PLXNA2: variants seen among roughly 807,000 people sequenced by gnomAD.
PLXNA2 encodes plexin A2, also known as plexin-A2.
Under a neutral mutation model 193.5 loss-of-function variants are expected in PLXNA2, and 91 were observed. The observed-to-expected ratio is 0.47, with a 90% CI of 0.40 to 0.56. The LOEUF is 0.56. PLXNA2 is among the 20% of genes least tolerant of loss of function. PLXNA2 has a pLI of 0.00. For synonymous variants in PLXNA2, 997 were observed against 1,027.3 expected (o/e 0.97, Z 0.56); for missense variants, 1,995 against 2,503.2 (o/e 0.80, Z 4.33).
At chr1:208,078,771 A>G (rs1168042638) in intron 12 of PLXNA2, among the ~76,000 whole-genome samples, 1 of 152,200 alleles carries the variant, frequency 6.6e-6, no homozygotes, top group Non-Finnish European at 1.5e-5. Flanking sequence ...GCATGAAAAA[A>G]TTGGGACGGG....
Position 208,025,584 on chromosome 1 carries a change from T to C in PLXNA2, c.*1659A>G, listed in dbSNP as rs1224519822. On this transcript the variant is annotated 3_prime_UTR_variant, in exon 32 of 32. Coordinates refer to ENST00000367033, the MANE Select transcript of PLXNA2 (RefSeq NM_025179.4). ...GACTCCAGTGCTGCTTGCAGAACAG[T>C]TGGAGCTGGCTGCTCGGATCCAAGG... is the stretch of plus-strand genomic sequence containing the variant. The C allele has an allele frequency of 6.6e-6, 1 of 152,330 alleles. No individual in the cohort carries two copies. The highest frequency in any genetic ancestry group is 6.5e-5 in the Admixed American group (1 of 15,280). 9.4% of individuals were successfully genotyped at this position (152,330 alleles called of 1,614,324 possible). A position where few individuals can be genotyped will look rare whatever the true frequency, so the allele number is the denominator to read the frequency against.
chr1:208,214,239 G>A (rs1055528207), intron 2 of PLXNA2, among the ~76,000 whole-genome samples: 5 of 152,154 alleles, frequency 3.3e-5, no homozygotes, highest in African/African-American at 9.6e-5. Flanking sequence ...TAATCATAGC[G>A]GCCCATTTAT....
intron 17 of PLXNA2, among the ~76,000 whole-genome samples, chr1:208,049,261 A>G (rs1024448604): frequency 2.0e-5 from 3 of 151,622 alleles, no homozygotes; most frequent in South Asian, 4.2e-4. Flanking sequence ...CCATACCTGA[A>G]TAACAATAAA....
chr1:208,172,390 G>T (rs760197332), intron 3 of PLXNA2, among the ~76,000 whole-genome samples: 3 of 152,006 alleles, frequency 2.0e-5, no homozygotes, highest in Non-Finnish European at 4.4e-5. Context: ...TCTCTACTTT[G>T]ACATTGCTTT....
chr1:208,096,854 A>G lies in PLXNA2; in HGVS notation c.1761T>C (p.Asp587=). The G allele has an allele frequency of 6.2e-7, 1 of 1,614,000 alleles. No homozygotes were observed. Among genetic ancestry groups the G allele is most frequent in the South Asian group, 1.1e-5 (1 of 91,072 alleles). The change falls in exon 7 of 32, where the codon GAT becomes GAC. Residue 587 remains aspartate (D), a synonymous_variant. Coordinates refer to ENST00000367033, the MANE Select transcript of PLXNA2 (RefSeq NM_025179.4). ...AGGCACAGGCGATACCCGCAGATAG[A>G]TCAGGAGCATCACTCACTACCAGGC... ...LLSLVVSDAP[D]LSAGIACAFG...
chr1:208,041,621 C>G (rs1490146642), intron 22 of PLXNA2, among the ~76,000 whole-genome samples: 3 of 152,220 alleles, frequency 2.0e-5, no homozygotes, highest in African/African-American at 7.2e-5. Context: ...CGGCTAGGTG[C>G]TAGGGCAATG....
In PLXNA2 at chr1:208,041,847, CT is replaced by C. The variant is rs144050794; in HGVS notation, c.4286+250del. On this transcript the variant is annotated intron_variant, in intron 22 of 31. Transcript: ENST00000367033. ...GAGCTAGCAGGAGGCAGAGCTGGGACTCCAGCTGAGATCCGAGCAAGGGTCT... is the reference window on the plus strand; with the variant it reads ...GAGCTAGCAGGAGGCAGAGCTGGGACCCAGCTGAGATCCGAGCAAGGGTCT... 2.0e-3 allele frequency among the ~76,000 whole-genome samples: 302 copies of C among 152,360 alleles called. 1 individual carries two copies. Among genetic ancestry groups the C allele is most frequent in the Admixed American group, 0.014 (207 of 15,310 alleles).
Position 208,124,679 on chromosome 1 carries a change from CAAA to C in PLXNA2, c.1506+17647_1506+17649del, listed in dbSNP as rs34909092. Among the ~76,000 whole-genome samples the C allele has an allele frequency of 2.5e-4, 17 of 68,604 alleles. No individual in the cohort carries two copies. In the East Asian group the frequency reaches 3.0e-3, roughly 12 times the overall value. 45.0% of individuals were successfully genotyped at this position (68,604 alleles called of 152,430 possible). ...GGGCGACAACAGCAAAACTCCGTCT[CAAA>C]AAAAAAAAAAAAAAAAAAAAAGAAC... On this transcript the variant is annotated intron_variant, in intron 4 of 31. Transcript: ENST00000367033.
intron 3 of PLXNA2, among the ~76,000 whole-genome samples, chr1:208,197,525 C>T (rs1228874906): frequency 6.6e-6 from 1 of 152,194 alleles, no homozygotes; most frequent in Non-Finnish European, 1.5e-5. Context: ...TTGTCTGTGG[C>T]CCAGGGAGCT....
chr1:208,105,103 A>G (rs1667220862), intron 4 of PLXNA2, among the ~76,000 whole-genome samples: 1 of 152,228 alleles, frequency 6.6e-6, no homozygotes, highest in Non-Finnish European at 1.5e-5. Context: ...TCCGGAGTTC[A>G]GGTCTCCGCA....
intron 4 of PLXNA2, among the ~76,000 whole-genome samples, chr1:208,135,454 C>G (rs1296328551): frequency 6.6e-6 from 1 of 152,180 alleles, no homozygotes; most frequent in Non-Finnish European, 1.5e-5. Flanking sequence ...GCATACCCTC[C>G]ATGGGAAAAT....
At chr1:208,200,648 G>A (rs562035810) in intron 3 of PLXNA2, among the ~76,000 whole-genome samples, 2 of 145,356 alleles carry the variant, frequency 1.4e-5, no homozygotes, top group Non-Finnish European at 3.0e-5. Context: ...CTGGTGTGCA[G>A]TGGTACAATC....
intron 13 of PLXNA2, among the ~76,000 whole-genome samples, chr1:208,055,278 GCT>G (rs1665393454): frequency 6.6e-6 from 1 of 152,118 alleles, no homozygotes; most frequent in South Asian, 2.1e-4. Flanking sequence ...AGTGTGCAGC[GCT>G]CTCTCTCGAG....
chr1:208,194,808 A>G (rs1345407657), intron 3 of PLXNA2, among the ~76,000 whole-genome samples: 1 of 152,068 alleles, frequency 6.6e-6, no homozygotes, highest in Non-Finnish European at 1.5e-5. Context: ...AGAAATCTCC[A>G]CTGTTCTAGT....
At chr1:208,233,903 C>G (rs1213650031) in intron 1 of PLXNA2, among the ~76,000 whole-genome samples, 1 of 152,142 alleles carries the variant, frequency 6.6e-6, no homozygotes, top group Non-Finnish European at 1.5e-5. Context: ...AAGGGGGGGT[C>G]TTTTGACACC....
At chr1:208,223,839 G>T (rs144544945) in intron 1 of PLXNA2, among the ~76,000 whole-genome samples, 4 of 152,328 alleles carry the variant, frequency 2.6e-5, no homozygotes, top group African/African-American at 9.6e-5. Flanking sequence ...TCCTGCCAAG[G>T]AGATTCTGAA....
intron 8 of PLXNA2, among the ~76,000 whole-genome samples, chr1:208,095,456 G>A (rs559810068): frequency 6.6e-6 from 1 of 152,192 alleles, no homozygotes; most frequent in Non-Finnish European, 1.5e-5. Flanking sequence ...GGTTTGGCCT[G>A]TCTGGTTTCC....
At chr1:208,202,131 C>CGA (rs370913361) in intron 3 of PLXNA2, among the ~76,000 whole-genome samples, 35 of 152,032 alleles carry the variant, frequency 2.3e-4, no homozygotes, top group African/African-American at 7.7e-4. Context: ...GGCACAATGC[C>CGA]GCCATGCCCG....
Position 208,060,788 on chromosome 1 carries a change from T to C in PLXNA2, c.2636A>G (p.His879Arg), listed in dbSNP as rs1213490450. 2.5e-6 allele frequency: 4 copies of C among 1,614,086 alleles called. No homozygotes were observed. The highest frequency in any genetic ancestry group is 3.4e-6 in the Non-Finnish European group (4 of 1,179,994). Reference sequence around the variant, plus strand: ...GAAGTCCAGACCCAGGTTCACGCCATGGATGGTCACTCGCGTCCCTCCTTC... The same window carrying C: ...GAAGTCCAGACCCAGGTTCACGCCACGGATGGTCACTCGCGTCCCTCCTTC... ...PPEGGTRVTI[H>R]GVNLGLDFSE... The change falls in exon 13 of 32, where the codon CAT becomes CGT. Residue 879 changes from histidine to arginine, a missense_variant. By Grantham distance (29) the His-to-Arg change is conservative (BLOSUM62 0). Transcript: ENST00000367033.
Sources: allele counts gnomAD v4.1 joint callset (sites outside exome capture counted in the v4.1 genomes callset), GRCh38; gene constraint gnomAD v4.1.1; transcripts MANE v1.5; gene names NCBI Gene and HGNC (gene_info 2026-07-23, HGNC 2026-07-21).